The following ADGRB3 variants were observed in gnomAD, a reference collection of about 807,000 sequenced individuals.
ADGRB3 encodes the protein adhesion G protein-coupled receptor B3.
Under a neutral mutation model 193.4 loss-of-function variants are expected in ADGRB3, and 37 were observed. The ratio of observed to expected loss-of-function variants is 0.19; its 90% CI spans 0.15 to 0.25. The LOEUF is 0.25. Ranked by LOEUF, ADGRB3 falls within the 10% of genes least tolerant of loss-of-function variation. The pLI is 1.00. For missense variants in ADGRB3, 1,637 were observed against 1,852.9 expected, an observed-to-expected ratio of 0.88 and a Z score of 2.14; for synonymous variants, 690 against 644.2, an observed-to-expected ratio of 1.07 and a Z score of -1.08.
intron 8 of ADGRB3, among the ~76,000 whole-genome samples, chr6:68,973,589 G>A (rs1768649515): frequency 6.6e-6 from 1 of 152,128 alleles, no homozygotes; most frequent in South Asian, 2.1e-4. Flanking sequence ...TAGGTACTTA[G>A]TATTTTAAGA....
chr6:69,154,436 T>G (rs1242829221), intron 17 of ADGRB3, among the ~76,000 whole-genome samples: 2 of 152,198 alleles, frequency 1.3e-5, no homozygotes, highest in Non-Finnish European at 2.9e-5. Flanking sequence ...CATTTTCTCT[T>G]TACCTTCTGT....
chr6:68,994,474 C>T (rs546607099), intron 11 of ADGRB3, among the ~76,000 whole-genome samples: 5 of 152,072 alleles, frequency 3.3e-5, no homozygotes, highest in South Asian at 2.1e-4. Flanking sequence ...TAAGAAAATA[C>T]GAAATTCAAT....
intron 6 of ADGRB3, among the ~76,000 whole-genome samples, chr6:68,953,647 A>G (rs1767990624): frequency 6.6e-6 from 1 of 152,212 alleles, no homozygotes; most frequent in African/African-American, 2.4e-5. Flanking sequence ...TGATTGTATC[A>G]GGCACTTGTA....
intron 24 of ADGRB3, among the ~76,000 whole-genome samples, chr6:69,335,325 G>T (rs1216040282): frequency 6.6e-6 from 1 of 152,000 alleles, no homozygotes; most frequent in Admixed American, 6.6e-5. Flanking sequence ...TAACAAATAA[G>T]TTATTCTAAA....
At chr6:69,098,547 G>A (rs1772948906) in intron 17 of ADGRB3, among the ~76,000 whole-genome samples, 3 of 152,090 alleles carry the variant, frequency 2.0e-5, no homozygotes, top group South Asian at 2.1e-4. Context: ...TTACAATTAT[G>A]GCAGAAGGTT....
intron 3 of ADGRB3, among the ~76,000 whole-genome samples, chr6:68,755,694 A>G (rs975709269): frequency 1.3e-5 from 2 of 152,162 alleles, no homozygotes; most frequent in Non-Finnish European, 2.9e-5. Context: ...GGAAGAAACC[A>G]CAAAGTGGGG....
intron 3 of ADGRB3, among the ~76,000 whole-genome samples, chr6:68,719,706 C>G (rs965408385): frequency 1.3e-5 from 2 of 150,710 alleles, no homozygotes; most frequent in South Asian, 4.2e-4. Context: ...CTTTTTTTTT[C>G]TTTTGAATCT....
intron 3 of ADGRB3, among the ~76,000 whole-genome samples, chr6:68,721,936 C>G (rs1235385026): frequency 1.3e-5 from 2 of 151,314 alleles, no homozygotes; most frequent in Non-Finnish European, 3.0e-5. Context: ...ATTAATGCAA[C>G]TACACAATAA....
intron 17 of ADGRB3, among the ~76,000 whole-genome samples, chr6:69,107,689 C>T (rs1773252579): frequency 6.6e-6 from 1 of 152,170 alleles, no homozygotes; most frequent in Admixed American, 6.5e-5. Context: ...GGTACATATA[C>T]ACCATGGAAT....
At chr6:69,247,439 C>A (rs1195676655) in intron 20 of ADGRB3, among the ~76,000 whole-genome samples, 1 of 152,188 alleles carries the variant, frequency 6.6e-6, no homozygotes, top group Non-Finnish European at 1.5e-5. Context: ...CTCCTAGGGA[C>A]CGTGTCTGTG....
chr6:69,009,328 A>T (rs1334160592), intron 11 of ADGRB3, among the ~76,000 whole-genome samples: 1 of 152,154 alleles, frequency 6.6e-6, no homozygotes, highest in Non-Finnish European at 1.5e-5. Context: ...TGATGATCTC[A>T]TAAGGCCTTT....
chr6:69,286,209 T>A (rs1222081607), intron 20 of ADGRB3, among the ~76,000 whole-genome samples: 2 of 152,168 alleles, frequency 1.3e-5, no homozygotes, highest in Admixed American at 6.6e-5. Flanking sequence ...CCAGGCACCT[T>A]TCAGAAGTAT....
chr6:68,701,263 T>C (rs936023966), intron 3 of ADGRB3, among the ~76,000 whole-genome samples: 8 of 152,160 alleles, frequency 5.3e-5, no homozygotes, highest in Admixed American at 1.3e-4. Flanking sequence ...ATCAATTCCA[T>C]TGCCTCGATA....
At chr6:69,139,667 GTT>G (rs1041652208) in intron 17 of ADGRB3, among the ~76,000 whole-genome samples, 4 of 152,086 alleles carry the variant, frequency 2.6e-5, no homozygotes, top group Admixed American at 6.5e-5. Flanking sequence ...CCCAAAACCT[GTT>G]TATGGATTTT....
At chr6:69,190,627 TAA>T (rs1293729970) in intron 17 of ADGRB3, among the ~76,000 whole-genome samples, 1 of 152,056 alleles carries the variant, frequency 6.6e-6, no homozygotes, top group Non-Finnish European at 1.5e-5. Flanking sequence ...TAGCGTAACT[TAA>T]GTGTACAGTG....
chr6:69,106,881 G>A (rs1251748353), intron 17 of ADGRB3, among the ~76,000 whole-genome samples: 1 of 152,148 alleles, frequency 6.6e-6, no homozygotes, highest in Non-Finnish European at 1.5e-5. Flanking sequence ...GCAGCATCAC[G>A]GTGTAATTCC....
At chr6:68,915,788 A>G (rs1030065672) in intron 3 of ADGRB3, among the ~76,000 whole-genome samples, 5 of 151,672 alleles carry the variant, frequency 3.3e-5, no homozygotes, top group East Asian at 1.9e-4. Context: ...ACTACCCAAG[A>G]AAAAAAACAA....
chr6:68,690,889 T>C (rs1409739922), intron 3 of ADGRB3, among the ~76,000 whole-genome samples: 1 of 152,136 alleles, frequency 6.6e-6, no homozygotes, highest in Non-Finnish European at 1.5e-5. Flanking sequence ...ACATTTTGGG[T>C]TGCAGTTTTG....
chr6:69,293,833 G>A (rs1052698791), intron 20 of ADGRB3, among the ~76,000 whole-genome samples: 1 of 152,082 alleles, frequency 6.6e-6, no homozygotes, highest in African/African-American at 2.4e-5. Context: ...AGGGGGTGGG[G>A]GGATGGGATC....
Sources: allele counts gnomAD v4.1 joint callset (sites outside exome capture counted in the v4.1 genomes callset), GRCh38; gene constraint gnomAD v4.1.1; transcripts MANE v1.5; gene names NCBI Gene and HGNC (gene_info 2026-07-23, HGNC 2026-07-21).